RBM22: variants seen among roughly 807,000 people sequenced by gnomAD.
RBM22 encodes pre-mRNA-splicing factor RBM22.
In RBM22, 1 loss-of-function variant was observed where a neutral mutation model predicts 50.1. The observed-to-expected ratio is 0.02, with a 90% CI of 0.01 to 0.09. The LOEUF is 0.09. Among genes scored for constraint, RBM22 ranks in the 10% least tolerant of loss-of-function variants. The pLI is 1.00. For synonymous variants in RBM22, 152 were observed against 179.0 expected (o/e 0.85, Z 1.20); for missense variants, 264 against 529.3 (o/e 0.50, Z 4.92).
At chr5:150,700,817 C>A (rs1299357361) in intron 1 of RBM22, 115 bp downstream of exon 1, 2 of 1,602,212 alleles carry the variant, frequency 1.2e-6, no homozygotes, top group African/African-American at 2.7e-5. Flanking sequence ...AGCTAGGCCG[C>A]CGCGCTGGCT....
At position 150,694,016 on chromosome 5, in the gene RBM22, A is replaced by C. The variant is rs147231990; in HGVS notation, c.911+60T>G. ...ACCAAAAGCCTACTAGTCTCCAGAAAATGAAATAGTTTCTTAAAAATCTAA... is the reference window on the plus strand; with the variant it reads ...ACCAAAAGCCTACTAGTCTCCAGAACATGAAATAGTTTCTTAAAAATCTAA... On this transcript the variant is annotated intron_variant, in intron 8 of 10. Transcript: ENST00000199814. 49 of 1,575,884 alleles carry C rather than the reference A, an allele frequency of 3.1e-5. No homozygotes were observed. In the African/African-American group the frequency reaches 6.4e-4, roughly 21 times the overall value.
At chr5:150,698,942 T>C (rs1254438760) in intron 3 of RBM22, among the ~76,000 whole-genome samples, 1 of 152,148 alleles carries the variant, frequency 6.6e-6, no homozygotes, top group Admixed American at 6.5e-5. Context: ...TTGAGAAGCT[T>C]CTGACAAGAA....
rs375522131 is a variant in RBM22, at chr5:150,693,077, G to C, written c.1001-51C>G. The C allele has an allele frequency of 5.1e-6, 8 of 1,569,324 alleles. No homozygotes were observed. The African/African-American group carries it at 9.5e-5, about 19-fold the overall frequency. On this transcript the variant is annotated intron_variant, in intron 9 of 10. Coordinates refer to ENST00000199814, the MANE Select transcript of RBM22 (RefSeq NM_018047.3). ...ATAGAGGGGAGAACAATTGTGCAAC[G>C]CTGTTTCTACCACCTTTACATTCTC... is the stretch of plus-strand genomic sequence containing the variant.
At chr5:150,694,331 C>T (rs1277915115) in intron 7 of RBM22, 91 bp from the exon 8 acceptor site, 1 of 1,477,444 alleles carries the variant, frequency 6.8e-7, no homozygotes, top group African/African-American at 1.4e-5. Context: ...ACTGACACAC[C>T]ACTAGGCAGG....
intron 3 of RBM22, 44 bp downstream of exon 3, chr5:150,699,195 AAAG>A: frequency 1.3e-6 from 2 of 1,563,708 alleles, no homozygotes; most frequent in Non-Finnish European, 1.7e-6. Context: ...TTGGTAGAGA[AAAG>A]AAAAATGAAA....
chr5:150,698,815 A>G (rs555232656), intron 3 of RBM22, among the ~76,000 whole-genome samples, 184 bp from the exon 4 acceptor site: 1 of 152,358 alleles, frequency 6.6e-6, no homozygotes, highest in South Asian at 2.1e-4. Flanking sequence ...GCAAAAATTC[A>G]GAGTACAGAA....
Position 150,691,512 on chromosome 5 carries a change from T to G in RBM22, c.*239A>C. 1 of 341,182 alleles carries G rather than the reference T, an allele frequency of 2.9e-6. No individual in the cohort carries two copies. The highest frequency in any genetic ancestry group is 5.1e-6 in the Non-Finnish European group (1 of 195,662). 21.1% of individuals were successfully genotyped at this position (341,182 alleles called of 1,614,324 possible). A position where few individuals can be genotyped will look rare whatever the true frequency, so the allele number is the denominator to read the frequency against. On this transcript the variant is annotated 3_prime_UTR_variant, in exon 11 of 11. Transcript: ENST00000199814. ...CCCACACGGGTAAGGGGAACAGGCG[T>G]TCGGTTTTATTAGTCATGTTACAGC...
intron 9 of RBM22, 26 bp from the exon 10 acceptor site, chr5:150,693,052 A>G: frequency 2.5e-6 from 4 of 1,593,254 alleles, no homozygotes; most frequent in Non-Finnish European, 3.4e-6. Context: ...TAGTCAACAC[A>G]TAGAGGGGAG....
intron 1 of RBM22, 120 bp downstream of exon 1, chr5:150,700,812 G>C: frequency 6.3e-7 from 1 of 1,598,408 alleles, no homozygotes; most frequent in South Asian, 1.1e-5. Flanking sequence ...GGCCAAGCTA[G>C]GCCGCCGCGC....
rs1357852664 is a variant in RBM22 at position 150,691,830 on chromosome 5, C to T, written c.1184G>A (p.Arg395Gln). 6 of 1,600,154 alleles carry T rather than the reference C, an allele frequency of 3.7e-6. No homozygotes were observed. Among genetic ancestry groups the T allele is most frequent in the African/African-American group, 1.3e-5 (1 of 74,770 alleles). The change falls in exon 11 of 11, where the codon CGG becomes CAG. Residue 395 changes from arginine (R) to glutamine (Q), a missense_variant. Arg to Gln is a conservative substitution (Grantham distance 43). Coordinates refer to ENST00000199814, the MANE Select transcript of RBM22 (RefSeq NM_018047.3). ...AGGATAGTGGATTGGTCCTGGAGCC[C>T]GCATGAAAGGAGGGGGTGGTCCCAT... is the stretch of plus-strand genomic sequence containing the variant. ...HPMGPPPPFMRAPGPIHYPSQ... is the reference protein window; with the variant it reads ...HPMGPPPPFMQAPGPIHYPSQ...
chr5:150,691,708 A>T lies in RBM22; in HGVS notation c.*43T>A. On this transcript the variant is annotated 3_prime_UTR_variant, in exon 11 of 11. Transcript: ENST00000199814. Reference sequence around the variant, plus strand: ...TATTCCAAGATTTACTGGGAGTTTTAAGTGCCCTTTCTTCCACAGAGCCCC... The same window carrying T: ...TATTCCAAGATTTACTGGGAGTTTTTAGTGCCCTTTCTTCCACAGAGCCCC... 6.9e-7 allele frequency: 1 copy of T among 1,450,544 alleles called. No homozygotes were observed. Among genetic ancestry groups the T allele is most frequent in the Non-Finnish European group, 9.1e-7 (1 of 1,094,150 alleles). The allele number at this position is 1,450,544 out of a possible 1,614,324, so 89.9% of individuals were successfully genotyped here.
In RBM22 at chr5:150,692,885, T is replaced by A; in HGVS notation, c.1132+10A>T. ...GATTTCTCTGGGCTAAGAAGGAAGA[T>A]GGAAGTTACCTGGGGGTGGGGGTGG... is the stretch of plus-strand genomic sequence containing the variant. On this transcript the variant is annotated intron_variant, in intron 10 of 10. Transcript: ENST00000199814. The A allele has an allele frequency of 1.3e-6, 2 of 1,556,450 alleles. No homozygotes were observed. The highest frequency in any genetic ancestry group is 1.7e-6 in the Non-Finnish European group (2 of 1,156,020).
intron 1 of RBM22, 119 bp downstream of exon 1, chr5:150,700,813 G>A (rs759710876): frequency 2.5e-6 from 4 of 1,598,722 alleles, no homozygotes; most frequent in Non-Finnish European, 3.4e-6. Context: ...GCCAAGCTAG[G>A]CCGCCGCGCT....
chr5:150,697,990 C>T (rs899748020), intron 4 of RBM22, among the ~76,000 whole-genome samples: 7 of 152,112 alleles, frequency 4.6e-5, no homozygotes, highest in Admixed American at 2.6e-4. Flanking sequence ...CACACACACA[C>T]GTGCACTGGG....
At chr5:150,700,539 G>A (rs1222379269) in intron 1 of RBM22, 42 bp from the exon 2 acceptor site, 6 of 1,613,432 alleles carry the variant, frequency 3.7e-6, no homozygotes, top group Middle Eastern at 1.6e-4. Context: ...ACCCTCCGAA[G>A]ACCCTGACAC....
chr5:150,700,677 GA>G, intron 1 of RBM22, 180 bp from the exon 2 acceptor site: 2 of 1,526,794 alleles, frequency 1.3e-6, no homozygotes, highest in Non-Finnish European at 1.8e-6. Flanking sequence ...CAGGCGGCGG[GA>G]GAAAAGAAAA....
chr5:150,694,598 A>G (rs1442734794), intron 7 of RBM22: 1 of 178,428 alleles, frequency 5.6e-6, no homozygotes, highest in East Asian at 1.5e-4. Context: ...AATACGTGAC[A>G]GAGACTGCAT....
intron 10 of RBM22, 77 bp from the exon 11 acceptor site, chr5:150,691,958 G>A (rs1159088194): frequency 1.5e-6 from 2 of 1,361,544 alleles, no homozygotes; most frequent in Non-Finnish European, 1.9e-6. Context: ...TCTTGCTAAG[G>A]TTAAAACCAC....
intron 3 of RBM22, among the ~76,000 whole-genome samples, 159 bp downstream of exon 3, chr5:150,699,083 A>G (rs1759312168): frequency 6.6e-6 from 1 of 152,228 alleles, no homozygotes; most frequent in Non-Finnish European, 1.5e-5. Context: ...TACCTCCCAC[A>G]TAAACAGTTG....
Sources: gnomAD v4.1 joint callset for allele counts (sites outside exome capture counted in the v4.1 genomes callset) on GRCh38, gnomAD v4.1.1 for gene constraint, MANE v1.5 for transcripts, NCBI Gene and HGNC (gene_info 2026-07-23, HGNC 2026-07-21) for gene names.